The following DNAH6 variants were observed in gnomAD, a reference collection of about 807,000 sequenced individuals.
DNAH6 encodes the protein dynein axonemal heavy chain 6, also known as axonemal beta dynein heavy chain 6.
In DNAH6, 340 loss-of-function variants were observed where a neutral mutation model predicts 491.4. The ratio of observed to expected loss-of-function variants is 0.69; its 90% confidence interval spans 0.63 to 0.76. The LOEUF (loss-of-function observed/expected upper bound fraction) is 0.76. DNAH6 is among the 30% of genes least tolerant of loss of function. The pLI, the probability that DNAH6 is intolerant of heterozygous loss-of-function variation, is 0.00. For synonymous variants in DNAH6, 1,603 were observed against 1,686.1 expected (o/e 0.95, Z 1.21); for missense variants, 4,443 against 4,972.2 (o/e 0.89, Z 3.20).
chr2:84,605,445 T>C, intron 19 of DNAH6, 55 bp from the exon 20 acceptor site: 2 of 1,181,008 alleles, frequency 1.7e-6, no homozygotes, highest in Non-Finnish European at 2.5e-6. Flanking sequence ...CGTGCATTTA[T>C]TGAGTATCTA....
At chr2:84,685,506 T>C (rs757033512) in intron 43 of DNAH6, 34 bp downstream of exon 43, 1 of 1,339,342 alleles carries the variant, frequency 7.5e-7, no homozygotes, top group Non-Finnish European at 9.8e-7. Context: ...CTTTTTTTTA[T>C]TTGAGTAGAA....
At position 84,621,250 on chromosome 2, in the gene DNAH6, G is replaced by A. The variant is rs372593504; in HGVS notation, c.3852G>A (p.Val1284=). The A allele has an allele frequency of 9.0e-6, 14 of 1,551,486 alleles. No homozygotes were observed. The highest frequency in any genetic ancestry group is 8.2e-5 in the African/African-American group (6 of 73,036). The part of the protein sequence containing the change: ...RGNVEEWLGK[V]EEAMFTSLRR... The stretch of plus-strand genomic sequence containing the variant: ...ATGTAGAGGAATGGCTTGGTAAAGT[G>A]GAAGAAGCCATGTTCACATCTCTGC... Residue 1284 remains valine (V), a synonymous_variant, in exon 25 of 77, where the codon GTG becomes GTA. Transcript: ENST00000389394.
At chr2:84,796,659 C>T (rs1263401888) in intron 69 of DNAH6, among the ~76,000 whole-genome samples, 2 of 152,136 alleles carry the variant, frequency 1.3e-5, no homozygotes, top group African/African-American at 4.8e-5. Context: ...TGCACTGTGT[C>T]TAAATCTGTT....
intron 16 of DNAH6, among the ~76,000 whole-genome samples, chr2:84,592,169 AAAAAATT>A (rs1180750719): frequency 6.6e-6 from 1 of 152,156 alleles, no homozygotes; most frequent in Non-Finnish European, 1.5e-5. Context: ...AGAATGAGGG[AAAAAATT>A]TGCAAATTAT....
chr2:84,769,185 G>A (rs1017924801), intron 64 of DNAH6, among the ~76,000 whole-genome samples: 6 of 152,182 alleles, frequency 3.9e-5, no homozygotes, highest in East Asian at 1.9e-4. Context: ...CAGGAGCTGC[G>A]GATCCAGCCG....
At position 84,638,059 on chromosome 2, in the gene DNAH6, G is replaced by A. The variant is rs187266177; in HGVS notation, c.4821+682G>A. On this transcript the variant is annotated intron_variant, in intron 31 of 76. Coordinates refer to ENST00000389394, the MANE Select transcript of DNAH6 (RefSeq NM_001370.2). ...AGCCTGGGCAATGTGGTGAAATCCC[G>A]TCCCTACCAAAAATATAAAAATTAG... Among the ~76,000 whole-genome samples, 539 of 151,804 alleles carry A rather than the reference G, an allele frequency of 3.6e-3. 1 individual carries two copies. Among genetic ancestry groups the A allele is most frequent in the African/African-American group, 0.012 (489 of 41,410 alleles).
At chr2:84,810,453 G>A (rs1014312682) in intron 72 of DNAH6, among the ~76,000 whole-genome samples, 1 of 152,208 alleles carries the variant, frequency 6.6e-6, no homozygotes, top group Non-Finnish European at 1.5e-5. Context: ...GAGGAGCCCA[G>A]GGACAGGTGA....
At chr2:84,566,693 A>G (rs555945740) in intron 11 of DNAH6, among the ~76,000 whole-genome samples, 2 of 152,046 alleles carry the variant, frequency 1.3e-5, no homozygotes, top group South Asian at 2.1e-4. Flanking sequence ...AAGAATAACT[A>G]CCAAAAATGT....
the DNAH6 span, among the ~76,000 whole-genome samples, chr2:84,483,410 C>T: frequency 6.6e-6 from 1 of 152,038 alleles, no homozygotes; most frequent in East Asian, 1.9e-4. Flanking sequence ...ATGTGCCAGC[C>T]AATATTGAGG....
At position 84,653,335 on chromosome 2, in the gene DNAH6, CT is replaced by C; in HGVS notation, c.5100del (p.Pro1701LeufsTer21). The C allele has an allele frequency of 6.5e-7, 1 of 1,531,270 alleles. No homozygotes were observed. The allele number at this position is 1,531,270 out of a possible 1,614,324, so 94.9% of individuals were successfully genotyped here. ...ALLFSGIISDLFPGVQIPEHD... is the reference protein window; with the variant it reads ...ALLFSGIISDXFPGVQIPEHD... ...TTTTGACAGTGGAATCATATCTGAC[CT>C]TTTTCCTGGAGTCCAAATTCCAGAA... is the stretch of plus-strand genomic sequence containing the variant. On this transcript the variant is annotated frameshift_variant, in exon 34 of 77. Transcript: ENST00000389394. LOFTEE classifies it high-confidence loss of function.
intron 33 of DNAH6, among the ~76,000 whole-genome samples, chr2:84,651,939 A>G (rs924848136): frequency 1.3e-5 from 2 of 150,620 alleles, no homozygotes; most frequent in Admixed American, 1.3e-4. Context: ...TCATGTTAGT[A>G]TATATGCATG....
intron 22 of DNAH6, 96 bp downstream of exon 22, chr2:84,611,950 A>G (rs1327016430): frequency 1.8e-6 from 2 of 1,103,322 alleles, no homozygotes; most frequent in Admixed American, 5.7e-5. Flanking sequence ...GGAATCTAAT[A>G]ACATATGGTC....
intron 63 of DNAH6, among the ~76,000 whole-genome samples, chr2:84,745,724 A>G (rs1046213898): frequency 2.6e-5 from 4 of 151,070 alleles, no homozygotes; most frequent in African/African-American, 9.7e-5. Flanking sequence ...ATAATGTTTT[A>G]TGTAGAGAAT....
At chr2:84,638,092 C>T (rs1389312436) in intron 31 of DNAH6, among the ~76,000 whole-genome samples, 2 of 151,952 alleles carry the variant, frequency 1.3e-5, no homozygotes, top group South Asian at 2.1e-4. Flanking sequence ...TAGCCAGTCT[C>T]ATAACCCAGT....
At position 84,815,844 on chromosome 2, in the gene DNAH6, T is replaced by C. The variant is rs73946015; in HGVS notation, c.12151-17T>C. On this transcript the variant is annotated splice_polypyrimidine_tract_variant and intron_variant, in intron 75 of 76. Transcript: ENST00000389394. ...CTTTTCCCCCATCTCACTTTGAGAC[T>C]TGTGGGTATCTTTCAGTTGCCCTCT... The C allele has an allele frequency of 2.2e-3, 3,318 of 1,538,056 alleles. 62 individuals are homozygous for C. In the African/African-American group the frequency reaches 0.041, roughly 19 times the overall value.
intron 63 of DNAH6, among the ~76,000 whole-genome samples, chr2:84,748,466 T>C (rs561329474): frequency 6.6e-6 from 1 of 152,322 alleles, no homozygotes; most frequent in East Asian, 1.9e-4. Context: ...AAACCCCTAG[T>C]GCATGGACAC....
In DNAH6 at chr2:84,812,343, T is replaced by G; in HGVS notation, c.11742T>G (p.Thr3914=). 7 of 1,551,556 alleles carry G rather than the reference T, an allele frequency of 4.5e-6. No homozygotes were observed. Among genetic ancestry groups the G allele is most frequent in the Non-Finnish European group, 6.1e-6 (7 of 1,146,824 alleles). Residue 3914 remains threonine, a splice_region_variant and synonymous_variant, in exon 73 of 77, where the codon ACT becomes ACG. Transcript: ENST00000389394. ...RFNNLLKLIH[T]SLETLNKAIA... is the part of the protein sequence containing the mutation. Reference sequence around the variant, plus strand: ...CAACCCCTTTTTTGTTCTTTCAGACTTCTCTGGAAACACTCAACAAAGCCA... The same window carrying G: ...CAACCCCTTTTTTGTTCTTTCAGACGTCTCTGGAAACACTCAACAAAGCCA...
Position 84,677,022 on chromosome 2 carries a change from G to T in DNAH6, c.6630G>T (p.Ser2210=). Residue 2210 remains serine (S), a synonymous_variant, in exon 41 of 77, where the codon TCG becomes TCT. Transcript: ENST00000389394. The stretch of plus-strand genomic sequence containing the variant: ...GCACACAGGATGTAACAATCATATC[G>T]GCATGTGCACCTCCAGGCGGTGGCC... ...WKEIQDVTII[S]ACAPPGGGRN... The T allele has an allele frequency of 2.6e-6, 4 of 1,551,750 alleles. No individual in the cohort carries two copies. Among genetic ancestry groups the T allele is most frequent in the Non-Finnish European group, 3.5e-6 (4 of 1,146,984 alleles).
chr2:84,598,029 G>A (rs1269739161), intron 18 of DNAH6, among the ~76,000 whole-genome samples: 1 of 151,954 alleles, frequency 6.6e-6, no homozygotes, highest in Non-Finnish European at 1.5e-5. Flanking sequence ...AGGCCAGATA[G>A]CATATGTCAT....
Sources: gnomAD v4.1 joint callset for allele counts (sites outside exome capture counted in the v4.1 genomes callset) on GRCh38, gnomAD v4.1.1 for gene constraint, MANE v1.5 for transcripts, NCBI Gene and HGNC (gene_info 2026-07-23, HGNC 2026-07-21) for gene names.